LINGO2: variants seen among roughly 807,000 people sequenced by gnomAD.
The protein encoded by LINGO2 is leucine rich repeat and Ig domain containing 2.
Under a neutral mutation model 30.6 loss-of-function variants are expected in LINGO2, and 14 were observed. That is an observed-to-expected ratio of 0.46 (90% CI 0.30 to 0.72). LINGO2 has a LOEUF of 0.72. Among genes scored for constraint, LINGO2 ranks in the 30% least tolerant of loss-of-function variants. The pLI, the probability that LINGO2 is intolerant of heterozygous loss-of-function variation, is 0.07. For missense variants in LINGO2, 729 were observed against 751.7 expected (o/e 0.97, Z 0.35); for synonymous variants, 317 against 288.5 (o/e 1.10, Z -1.00).
chr9:28,409,048 C>T (rs1455386362), intron 2 of LINGO2, among the ~76,000 whole-genome samples: 1 of 152,014 alleles, frequency 6.6e-6, no homozygotes, highest in Non-Finnish European at 1.5e-5. Flanking sequence ...GTAATCACCC[C>T]CTCCCTTGCA....
chr9:28,145,240 G>A (rs190814524), intron 4 of LINGO2, among the ~76,000 whole-genome samples: 114 of 152,294 alleles, frequency 7.5e-4, no homozygotes, highest in Middle Eastern at 3.4e-3. Context: ...AAGTGTGCGA[G>A]GAAGGCAAGC....
chr9:29,182,209 C>G, the LINGO2 span, among the ~76,000 whole-genome samples: 275 of 152,236 alleles, frequency 1.8e-3, 1 homozygote, highest in Non-Finnish European at 3.2e-3. Flanking sequence ...AAAATGATTC[C>G]ATTTACAAAA....
At chr9:28,907,729 T>G in the LINGO2 span, among the ~76,000 whole-genome samples, 17 of 151,812 alleles carry the variant, frequency 1.1e-4, no homozygotes, top group Non-Finnish European at 2.2e-4. Flanking sequence ...TACTTATGAA[T>G]GTACAGAAAA....
chr9:28,729,136 T>C, the LINGO2 span, among the ~76,000 whole-genome samples: 2 of 152,138 alleles, frequency 1.3e-5, no homozygotes, highest in Admixed American at 6.5e-5. Context: ...TTCTGACACC[T>C]GCCATCCTGA....
At chr9:28,317,748 C>T (rs955899166) in intron 3 of LINGO2, among the ~76,000 whole-genome samples, 3 of 152,126 alleles carry the variant, frequency 2.0e-5, no homozygotes, top group Admixed American at 6.5e-5. Flanking sequence ...TATATTAATT[C>T]ATACAGGGTA....
intron 2 of LINGO2, among the ~76,000 whole-genome samples, chr9:28,436,424 T>G (rs1564197706): frequency 8.3e-4 from 2 of 2,406 alleles, no homozygotes; most frequent in South Asian, 0.05. Flanking sequence ...GGAAGAGAAT[T>G]TATTTATTTA....
intron 1 of LINGO2, among the ~76,000 whole-genome samples, chr9:28,616,542 G>C (rs1826138603): frequency 6.6e-6 from 1 of 152,162 alleles, no homozygotes; most frequent in African/African-American, 2.4e-5. Flanking sequence ...AGGCATCTCT[G>C]CAAGTTTGAG....
the LINGO2 span, among the ~76,000 whole-genome samples, chr9:29,052,518 C>T: frequency 5.3e-5 from 8 of 152,142 alleles, no homozygotes; most frequent in Non-Finnish European, 1.2e-4. Context: ...TTTCAGAAAT[C>T]TACTTTTGAA....
chr9:28,546,629 T>G (rs572445590), intron 1 of LINGO2, among the ~76,000 whole-genome samples: 1 of 152,180 alleles, frequency 6.6e-6, no homozygotes, highest in African/African-American at 2.4e-5. Flanking sequence ...TAAAGTAATA[T>G]TTCTAGGTTT....
intron 3 of LINGO2, among the ~76,000 whole-genome samples, chr9:28,322,026 A>G (rs74606723): frequency 0.021 from 3,132 of 152,298 alleles, 111 homozygotes; most frequent in African/African-American, 0.072. Context: ...TTTCCATGCT[A>G]CTTGGAATAA....
At chr9:28,890,857 C>A in the LINGO2 span, among the ~76,000 whole-genome samples, 1 of 151,928 alleles carries the variant, frequency 6.6e-6, no homozygotes, top group African/African-American at 2.4e-5. Context: ...TTTCTTTTTT[C>A]CACACCTAGA....
At chr9:28,754,900 G>A in the LINGO2 span, among the ~76,000 whole-genome samples, 15 of 151,716 alleles carry the variant, frequency 9.9e-5, no homozygotes, top group Non-Finnish European at 2.2e-4. Flanking sequence ...CAAAGTCCTG[G>A]GATTACAGGC....
intron 4 of LINGO2, among the ~76,000 whole-genome samples, chr9:28,257,546 A>T (rs994762967): frequency 1.3e-5 from 2 of 151,994 alleles, no homozygotes; most frequent in Non-Finnish European, 2.9e-5. Flanking sequence ...GTTTCTTTAT[A>T]ATTCAGTAAC....
chr9:28,040,311 A>G (rs115649452), intron 4 of LINGO2, among the ~76,000 whole-genome samples: 2,055 of 152,228 alleles, frequency 0.013, 52 homozygotes, highest in African/African-American at 0.047. Flanking sequence ...GGAAGCCTTC[A>G]CTACTAAAAA....
the LINGO2 span, among the ~76,000 whole-genome samples, chr9:28,837,018 A>T: frequency 3.9e-5 from 6 of 152,348 alleles, no homozygotes; most frequent in East Asian, 1.2e-3. Context: ...GGACAAAGTT[A>T]TCCTTTGAGA....
the LINGO2 span, among the ~76,000 whole-genome samples, chr9:29,110,001 G>A: frequency 6.6e-6 from 1 of 152,096 alleles, no homozygotes; most frequent in Non-Finnish European, 1.5e-5. Flanking sequence ...TAAAAATGGA[G>A]GATGTAGAAG....
At chr9:27,954,949 G>A (rs1272543116) in intron 5 of LINGO2, among the ~76,000 whole-genome samples, 5 of 152,102 alleles carry the variant, frequency 3.3e-5, no homozygotes, top group Admixed American at 3.3e-4. Flanking sequence ...CATTCTAACT[G>A]GGGTAAGATG....
intron 4 of LINGO2, among the ~76,000 whole-genome samples, chr9:28,143,072 A>G (rs1209643273): frequency 6.6e-6 from 1 of 152,182 alleles, no homozygotes; most frequent in Non-Finnish European, 1.5e-5. Context: ...ACTCTAAGCT[A>G]ACTATTTGTC....
At chr9:28,822,640 T>A in the LINGO2 span, among the ~76,000 whole-genome samples, 1 of 152,156 alleles carries the variant, frequency 6.6e-6, no homozygotes, top group African/African-American at 2.4e-5. Context: ...CCAGCCTACA[T>A]CTTTCTCCTG....
Sources: gnomAD v4.1 joint callset for allele counts (sites outside exome capture counted in the v4.1 genomes callset) on GRCh38, gnomAD v4.1.1 for gene constraint, MANE v1.5 for transcripts, NCBI Gene and HGNC (gene_info 2026-07-23, HGNC 2026-07-21) for gene names.